VRK2: variants seen among roughly 807,000 people sequenced by gnomAD.
VRK2 encodes serine/threonine-protein kinase VRK2.
VRK2 carries 60 observed loss-of-function variants against 57.6 expected under a neutral mutation model. The observed-to-expected ratio is 1.04, with a 90% CI of 0.85 to 1.29. The LOEUF is 1.29. Ranked by LOEUF, VRK2 falls within the 50% of genes most tolerant of loss-of-function variation. The pLI, the probability that VRK2 is intolerant of heterozygous loss-of-function variation, is 0.00. For missense variants in VRK2, 705 were observed against 588.1 expected (o/e 1.20, Z -2.06); for synonymous variants, 231 against 199.2 (o/e 1.16, Z -1.35).
At chr2:57,929,821 T>G (rs1239750539) in intron 1 of VRK2, among the ~76,000 whole-genome samples, 1 of 152,176 alleles carries the variant, frequency 6.6e-6, no homozygotes, top group Non-Finnish European at 1.5e-5. Context: ...GGCAATGGGT[T>G]CCTTTTTGGC....
chr2:58,041,786 T>A (rs532967330), upstream of VRK2, among the ~76,000 whole-genome samples: 1 of 152,292 alleles, frequency 6.6e-6, no homozygotes, highest in East Asian at 1.9e-4. Context: ...GGAGGCTCCA[T>A]CAGTAAACTA....
rs574106508 is a variant in VRK2, at chr2:58,038,633, C to T, written c.-6+5080C>T. On this transcript the variant is annotated intron_variant, in intron 3 of 15. Transcript: ENST00000417641. ...CCAGTCTCTGTTCCATAGTTTACTG[C>T]CCCTAGGAGCCCTCATTTCTTTTGT... is the stretch of plus-strand genomic sequence containing the variant. Among the ~76,000 whole-genome samples, 5 of 152,196 alleles carry T rather than the reference C, an allele frequency of 3.3e-5. 1 individual carries two copies. The highest frequency in any genetic ancestry group is 9.6e-5 in the African/African-American group (4 of 41,524).
intron 1 of VRK2, among the ~76,000 whole-genome samples, chr2:57,948,144 T>G (rs1318059404): frequency 6.6e-6 from 1 of 152,196 alleles, no homozygotes; most frequent in Non-Finnish European, 1.5e-5. Context: ...CAAATTCTTT[T>G]TAAACTGACC....
chr2:57,974,404 G>A (rs1199730932), intron 1 of VRK2, among the ~76,000 whole-genome samples: 1 of 151,818 alleles, frequency 6.6e-6, no homozygotes, highest in East Asian at 1.9e-4. Context: ...AAGTATATAT[G>A]GGATTTTTTT....
intron 12 of VRK2, among the ~76,000 whole-genome samples, chr2:58,156,141 C>T (rs531252149): frequency 6.8e-6 from 1 of 146,634 alleles, no homozygotes; most frequent in South Asian, 2.1e-4. Context: ...TAACTGGATG[C>T]CCCTCACTTT....
chr2:58,089,535 T>A (rs1672080563), intron 6 of VRK2, 96 bp from the exon 7 acceptor site: 1 of 647,840 alleles, frequency 1.5e-6, no homozygotes, highest in East Asian at 3.0e-5. Context: ...TCAATGTTAA[T>A]ATGAAAAAAC....
chr2:58,138,778 G>A (rs146184219), intron 10 of VRK2, among the ~76,000 whole-genome samples: 44 of 152,270 alleles, frequency 2.9e-4, no homozygotes, highest in African/African-American at 1.0e-3. Flanking sequence ...AAAGGGAAAG[G>A]CATATCTAAA....
chr2:58,113,937 G>T lies in VRK2; in HGVS notation c.544-9164G>T, dbSNP rs60226794. Reference sequence around the variant, plus strand: ...GTTGGGGCGGCGAAAATTTTTGGGGGTGGTATGGAGAGAGAATGGGCGATG... The same window carrying T: ...GTTGGGGCGGCGAAAATTTTTGGGGTTGGTATGGAGAGAGAATGGGCGATG... On this transcript the variant is annotated intron_variant, in intron 7 of 12. Coordinates refer to ENST00000340157, the MANE Select transcript of VRK2 (RefSeq NM_006296.7). Among the ~76,000 whole-genome samples, 59 of 152,166 alleles carry T rather than the reference G, an allele frequency of 3.9e-4. 1 individual carries two copies. The highest frequency in any genetic ancestry group is 1.3e-3 in the African/African-American group (53 of 41,486).
chr2:58,018,653 C>T (rs1193001338), intron 1 of VRK2, among the ~76,000 whole-genome samples: 2 of 152,142 alleles, frequency 1.3e-5, no homozygotes, highest in Non-Finnish European at 2.9e-5. Context: ...AAAATAGTGA[C>T]CACTGTGGAG....
chr2:57,923,570 A>G (rs1670428959), intron 1 of VRK2, among the ~76,000 whole-genome samples: 1 of 151,734 alleles, frequency 6.6e-6, no homozygotes, highest in African/African-American at 2.4e-5. Flanking sequence ...CTGTTTTTAA[A>G]TCAGATTATT....
intron 8 of VRK2, among the ~76,000 whole-genome samples, chr2:58,126,490 A>G (rs1472848284): frequency 6.6e-6 from 1 of 152,154 alleles, no homozygotes; most frequent in Non-Finnish European, 1.5e-5. Flanking sequence ...TTGAAAGGGA[A>G]AAAAATTAGC....
intron 7 of VRK2, among the ~76,000 whole-genome samples, chr2:58,099,222 C>G (rs1673601419): frequency 1.3e-5 from 2 of 152,010 alleles, no homozygotes; most frequent in Non-Finnish European, 2.9e-5. Context: ...GGTGCAGATG[C>G]TCACATCTGG....
chr2:57,960,320 C>G (rs146333275), intron 1 of VRK2, among the ~76,000 whole-genome samples: 5 of 152,258 alleles, frequency 3.3e-5, no homozygotes, highest in African/African-American at 7.2e-5. Context: ...CCAACCCTCA[C>G]CTCCAGTGTT....
intron 1 of VRK2, among the ~76,000 whole-genome samples, chr2:57,974,164 G>A (rs1672176360): frequency 6.6e-6 from 1 of 151,850 alleles, no homozygotes; most frequent in African/African-American, 2.4e-5. Flanking sequence ...AGCCATATAA[G>A]GTTTTTATAT....
At chr2:58,096,806 A>G (rs1158280583) in intron 7 of VRK2, among the ~76,000 whole-genome samples, 2 of 151,682 alleles carry the variant, frequency 1.3e-5, no homozygotes, top group Non-Finnish European at 2.9e-5. Flanking sequence ...GTCCCTCCAT[A>G]AGAGTTTAAG....
chr2:57,975,688 T>C (rs1285425618), intron 1 of VRK2, among the ~76,000 whole-genome samples: 1 of 151,950 alleles, frequency 6.6e-6, no homozygotes, highest in African/African-American at 2.4e-5. Flanking sequence ...TCCCCAACCA[T>C]GTACCCAAGA....
chr2:58,098,021 G>C (rs542783308), intron 7 of VRK2, among the ~76,000 whole-genome samples: 3 of 151,940 alleles, frequency 2.0e-5, no homozygotes, highest in Non-Finnish European at 4.4e-5. Context: ...CTTCCAGGGG[G>C]ATGAGATGTG....
intron 7 of VRK2, among the ~76,000 whole-genome samples, chr2:58,114,664 C>T (rs1040956488): frequency 0.011 from 1,667 of 149,802 alleles, 17 homozygotes; most frequent in African/African-American, 0.04. Flanking sequence ...TTCTTGAAGA[C>T]GGAGGACCAT....
chr2:58,141,845 T>G (rs1681388556), intron 11 of VRK2, among the ~76,000 whole-genome samples: 1 of 151,948 alleles, frequency 6.6e-6, no homozygotes, highest in Admixed American at 6.6e-5. Context: ...ATAGGATGAT[T>G]TCCACAATAG....
Sources: gnomAD v4.1 joint callset for allele counts (sites outside exome capture counted in the v4.1 genomes callset) on GRCh38, gnomAD v4.1.1 for gene constraint, MANE v1.5 for transcripts, NCBI Gene and HGNC (gene_info 2026-07-23, HGNC 2026-07-21) for gene names.